DUS2: variants seen among roughly 807,000 people sequenced by gnomAD.
The protein encoded by DUS2 is tRNA-dihydrouridine(20) synthase [NAD(P)+]-like.
In DUS2, 52 loss-of-function variants were observed where a neutral mutation model predicts 71.3. The ratio of observed to expected loss-of-function variants is 0.73; its 90% CI spans 0.58 to 0.92. The LOEUF (loss-of-function observed/expected upper bound fraction) is 0.92, where lower values mean the gene tolerates loss of function less well. Ranked by LOEUF, DUS2 falls within the 40% of genes least tolerant of loss-of-function variation. DUS2 has a pLI of 0.00. For synonymous variants in DUS2, 204 were observed against 227.8 expected, an observed-to-expected ratio of 0.90 and a Z score of 0.94; for missense variants, 558 against 622.6, an observed-to-expected ratio of 0.90 and a Z score of 1.10.
chr16:68,033,356 G>T (rs192928549), intron 2 of DUS2, among the ~76,000 whole-genome samples: 1 of 152,244 alleles, frequency 6.6e-6, no homozygotes, highest in African/African-American at 2.4e-5. Flanking sequence ...GAGTAATTGG[G>T]AGACTGGAGA....
In DUS2 at chr16:68,075,459, C is replaced by A. The variant is rs1158672616; in HGVS notation, c.1037C>A (p.Ala346Asp). 6.2e-7 allele frequency: 1 copy of A among 1,613,798 alleles called. No individual in the cohort carries two copies. Among genetic ancestry groups the A allele is most frequent in the Admixed American group, 1.7e-5 (1 of 59,972 alleles). Reference protein sequence around the residue: ...AKTSEQTGEPAEDTSGVIKMA... With the variant: ...AKTSEQTGEPDEDTSGVIKMA... Reference sequence around the variant, plus strand: ...ACTTCAGAGCAGACAGGGGAGCCAGCTGAAGATACCTCTGGTGTCATTAAG... The same window carrying A: ...ACTTCAGAGCAGACAGGGGAGCCAGATGAAGATACCTCTGGTGTCATTAAG... Residue 346 changes from alanine (A) to aspartate (D), a missense_variant, in exon 14 of 17, where the codon GCT becomes GAT. By Grantham distance (126) the Ala-to-Asp change is moderately radical. Transcript: ENST00000565263.
At chr16:68,058,251 T>G (rs1598311842) in intron 7 of DUS2, among the ~76,000 whole-genome samples, 1 of 146,396 alleles carries the variant, frequency 6.8e-6, no homozygotes, top group South Asian at 2.1e-4. Flanking sequence ...TGAGATGGAG[T>G]CTCACTCTTG....
At chr16:68,024,350 C>T (rs1010178962) in intron 1 of DUS2, among the ~76,000 whole-genome samples, 1 of 152,072 alleles carries the variant, frequency 6.6e-6, no homozygotes, top group Non-Finnish European at 1.5e-5. Flanking sequence ...CTTCCCACCT[C>T]GGCCTCCCAA....
intron 5 of DUS2, 96 bp from the exon 6 acceptor site, chr16:68,054,478 G>GGT (rs141726144): frequency 3.4e-5 from 44 of 1,286,170 alleles, no homozygotes; most frequent in Non-Finnish European, 4.5e-5. Context: ...TGGTGTGTGG[G>GGT]GTGTGTGTGT....
chr16:68,031,609 C>T (rs993370421), intron 2 of DUS2, among the ~76,000 whole-genome samples: 2 of 152,084 alleles, frequency 1.3e-5, no homozygotes, highest in Non-Finnish European at 2.9e-5. Context: ...CTCAAATAAA[C>T]TCAACATGTT....
At chr16:68,047,128 T>G (rs2033714870) in intron 3 of DUS2, among the ~76,000 whole-genome samples, 1 of 144,356 alleles carries the variant, frequency 6.9e-6, no homozygotes, top group Admixed American at 7.2e-5. Context: ...CGGTCTTGGC[T>G]CACTGCAACC....
In DUS2 at chr16:68,053,594, C is replaced by T; in HGVS notation, c.203C>T (p.Pro68Leu). Residue 68 changes from proline to leucine, a missense_variant, in exon 5 of 17, where the codon CCT becomes CTT. By Grantham distance (98) the Pro-to-Leu change is moderately conservative (BLOSUM62 -3). Transcript: ENST00000565263. ...CTCAGCACAGTGGACTTTGTCGCCC[C>T]TGATGATCGAGTTGTCTTCCGCACC... is the stretch of plus-strand genomic sequence containing the variant. ...EVLSTVDFVA[P>L]DDRVVFRTCE... The T allele has an allele frequency of 1.9e-6, 3 of 1,614,220 alleles. No homozygotes were observed. The South Asian group carries it at 3.3e-5, about 18-fold the overall frequency.
intron 12 of DUS2, among the ~76,000 whole-genome samples, chr16:68,072,607 C>T (rs938776231): frequency 3.3e-5 from 5 of 152,198 alleles, no homozygotes; most frequent in African/African-American, 7.2e-5. Context: ...CCAGCCGGGG[C>T]GCCCCGACTT....
Position 68,066,584 on chromosome 16 carries a change from C to T in DUS2, c.502C>T (p.Leu168Phe). 6.2e-7 allele frequency: 1 copy of T among 1,614,222 alleles called. No homozygotes were observed. The highest frequency in any genetic ancestry group is 1.7e-5 in the Admixed American group (1 of 60,032). ...ILPSLEDTLSLVKRIERTGIA... is the reference protein window; with the variant it reads ...ILPSLEDTLSFVKRIERTGIA... ...TCCTCAGCTAGAAGATACCCTGAGC[C>T]TTGTGAAGCGGATAGAGAGGACTGG... The change falls in exon 10 of 17, where the codon CTT (leucine) becomes TTT (phenylalanine). Residue 168 changes from leucine (L) to phenylalanine (F), a missense_variant. By Grantham distance (22) the Leu-to-Phe change is conservative (BLOSUM62 0). Transcript: ENST00000565263.
intron 7 of DUS2, among the ~76,000 whole-genome samples, chr16:68,057,851 G>A (rs925571492): frequency 7.2e-6 from 1 of 139,358 alleles, no homozygotes; most frequent in Admixed American, 7.9e-5. Context: ...CTGCACTGCA[G>A]CCTGGGTGAC....
intron 3 of DUS2, among the ~76,000 whole-genome samples, chr16:68,040,213 T>C (rs2033602604): frequency 6.6e-6 from 1 of 151,910 alleles, no homozygotes; most frequent in Non-Finnish European, 1.5e-5. Flanking sequence ...GCCTCCTGAG[T>C]AGCTGGGATC....
At chr16:68,058,487 A>C (rs1396968076) in intron 7 of DUS2, among the ~76,000 whole-genome samples, 1 of 151,982 alleles carries the variant, frequency 6.6e-6, no homozygotes, top group East Asian at 1.9e-4. Context: ...CGGCCTCCCA[A>C]AGTGCAGGGA....
chr16:68,036,523 T>C (rs2033530811), intron 2 of DUS2, among the ~76,000 whole-genome samples: 1 of 151,866 alleles, frequency 6.6e-6, no homozygotes, highest in African/African-American at 2.4e-5. Context: ...CAGGCTGATC[T>C]GGAACTCCTG....
intron 8 of DUS2, among the ~76,000 whole-genome samples, chr16:68,064,218 C>T (rs2151423062): frequency 6.6e-6 from 1 of 152,318 alleles, no homozygotes; most frequent in East Asian, 1.9e-4. Context: ...TTCCTCTGCT[C>T]AAATATGGAC....
intron 5 of DUS2, 188 bp downstream of exon 5, chr16:68,053,843 T>C: frequency 1.7e-6 from 1 of 586,742 alleles, no homozygotes; most frequent in South Asian, 2.2e-5. Context: ...AGACAGTTTA[T>C]GGAAATCAAG....
At chr16:68,066,743 T>C in intron 10 of DUS2, 107 bp downstream of exon 10, 1 of 1,126,260 alleles carries the variant, frequency 8.9e-7, no homozygotes, top group South Asian at 1.3e-5. Context: ...CTCTTCTACA[T>C]ATTCAGCCTA....
At chr16:68,027,284 G>C (rs564627074) in intron 2 of DUS2, among the ~76,000 whole-genome samples, 6 of 151,812 alleles carry the variant, frequency 4.0e-5, no homozygotes, top group African/African-American at 1.4e-4. Context: ...TGTTGCCCAG[G>C]CTAGAGTGCA....
intron 7 of DUS2, among the ~76,000 whole-genome samples, chr16:68,057,910 A>T (rs865984124): frequency 6.8e-6 from 1 of 147,950 alleles, no homozygotes; most frequent in Non-Finnish European, 1.5e-5. Flanking sequence ...AAGTGGATGC[A>T]GTGTAAATGT....
At chr16:68,054,318 C>G (rs969690321) in intron 5 of DUS2, among the ~76,000 whole-genome samples, 1 of 152,218 alleles carries the variant, frequency 6.6e-6, no homozygotes, top group Non-Finnish European at 1.5e-5. Context: ...TGAATGGTCA[C>G]TATAAAATGT....
Sources: gnomAD v4.1 joint callset for allele counts (sites outside exome capture counted in the v4.1 genomes callset) on GRCh38, gnomAD v4.1.1 for gene constraint, MANE v1.5 for transcripts, NCBI Gene and HGNC (gene_info 2026-07-23, HGNC 2026-07-21) for gene names.